The following MSRA variants were observed in gnomAD, a reference collection of about 807,000 sequenced individuals.
MSRA encodes the protein methionine sulfoxide reductase A.
A neutral mutation model predicts 31.3 loss-of-function variants in MSRA; 54 were observed. That is an observed-to-expected ratio of 1.73 (90% CI 1.39 to 2.17). The LOEUF is 2.17. Among genes scored for constraint, MSRA ranks in the 30% most tolerant of loss-of-function variants. MSRA has a pLI of 0.00. For synonymous variants in MSRA, 169 were observed against 116.5 expected (o/e 1.45, Z -2.90); for missense variants, 507 against 300.9 (o/e 1.69, Z -5.07).
chr8:10,168,160 T>G (rs1243009575), intron 1 of MSRA, among the ~76,000 whole-genome samples: 1 of 152,212 alleles, frequency 6.6e-6, no homozygotes, highest in Non-Finnish European at 1.5e-5. Flanking sequence ...GTGTCTACCT[T>G]GTAGGATAAT....
chr8:10,282,931 G>GA (rs930215200), intron 3 of MSRA, among the ~76,000 whole-genome samples: 1 of 151,966 alleles, frequency 6.6e-6, no homozygotes, highest in Admixed American at 6.6e-5. Flanking sequence ...CCTCCCTCCA[G>GA]AAAAACCCCC....
At chr8:10,086,060 T>G (rs1798544790) in intron 1 of MSRA, among the ~76,000 whole-genome samples, 1 of 152,224 alleles carries the variant, frequency 6.6e-6, no homozygotes, top group Admixed American at 6.5e-5. Flanking sequence ...TCATTTCTCA[T>G]GGATAGATTT....
Position 10,133,815 on chromosome 8 carries a change from T to G in MSRA, c.143-74018T>G, listed in dbSNP as rs969279078. ...CAGTTTAGCTCTTTGGATCCTATGG[T>G]TTTTTTTTGTTGTTGTTCTTTTGTT... On this transcript the variant is annotated intron_variant, in intron 1 of 5. Coordinates refer to ENST00000317173, the MANE Select transcript of MSRA (RefSeq NM_012331.5). Among the ~76,000 whole-genome samples the G allele has an allele frequency of 2.1e-4, 31 of 150,692 alleles. 1 individual carries two copies. Among genetic ancestry groups the G allele is most frequent in the Non-Finnish European group, 1.9e-4 (13 of 67,392 alleles).
At chr8:10,170,621 A>G (rs771863632) in intron 1 of MSRA, among the ~76,000 whole-genome samples, 8 of 152,238 alleles carry the variant, frequency 5.3e-5, no homozygotes, top group Non-Finnish European at 1.2e-4. Context: ...TTTACATTGT[A>G]TTAGGTATTG....
chr8:10,228,896 A>G (rs575459405), intron 2 of MSRA, among the ~76,000 whole-genome samples: 1 of 152,144 alleles, frequency 6.6e-6, no homozygotes, highest in Non-Finnish European at 1.5e-5. Flanking sequence ...CTTTTTCTTC[A>G]TACTGTTTCC....
At chr8:10,142,591 T>C (rs545050425) in intron 1 of MSRA, among the ~76,000 whole-genome samples, 1 of 152,172 alleles carries the variant, frequency 6.6e-6, no homozygotes, top group Admixed American at 6.5e-5. Flanking sequence ...ATATCTGCAG[T>C]GTCTGAATTT....
intron 5 of MSRA, among the ~76,000 whole-genome samples, chr8:10,369,274 A>C (rs1805344758): frequency 6.6e-6 from 1 of 152,096 alleles, no homozygotes; most frequent in Non-Finnish European, 1.5e-5. Flanking sequence ...ACGAAGAAGA[A>C]ATTATCTGTC....
intron 5 of MSRA, among the ~76,000 whole-genome samples, chr8:10,373,135 C>T (rs1230207547): frequency 6.6e-6 from 1 of 152,238 alleles, no homozygotes. Flanking sequence ...AGGTGATCTA[C>T]CCTCTTCGGC....
At chr8:10,094,020 A>G (rs985695274) in intron 1 of MSRA, among the ~76,000 whole-genome samples, 4 of 152,178 alleles carry the variant, frequency 2.6e-5, no homozygotes, top group Non-Finnish European at 5.9e-5. Flanking sequence ...TCGCTTCTCC[A>G]ATGCTGCTTT....
At chr8:10,206,415 T>C (rs1009420835) in intron 1 of MSRA, among the ~76,000 whole-genome samples, 1 of 152,118 alleles carries the variant, frequency 6.6e-6, no homozygotes, top group African/African-American at 2.4e-5. Context: ...GGCTTTTTGC[T>C]TGTAGGAATG....
chr8:10,205,457 GA>G (rs1385543734), intron 1 of MSRA, among the ~76,000 whole-genome samples: 1 of 152,174 alleles, frequency 6.6e-6, no homozygotes, highest in Non-Finnish European at 1.5e-5. Flanking sequence ...TGCTGGCACA[GA>G]AGCTGGTTTG....
chr8:10,334,355 G>A (rs1802893563), intron 5 of MSRA, among the ~76,000 whole-genome samples: 1 of 152,128 alleles, frequency 6.6e-6, no homozygotes, highest in Non-Finnish European at 1.5e-5. Flanking sequence ...TGTTGTTCTG[G>A]CAGGTAGATG....
At chr8:10,224,864 A>G (rs1260217197) in intron 2 of MSRA, among the ~76,000 whole-genome samples, 1 of 152,116 alleles carries the variant, frequency 6.6e-6, no homozygotes, top group East Asian at 1.9e-4. Flanking sequence ...GAACACTACT[A>G]CTAGGGCCGG....
intron 1 of MSRA, among the ~76,000 whole-genome samples, chr8:10,085,935 A>G (rs1798538172): frequency 6.6e-6 from 1 of 152,120 alleles, no homozygotes; most frequent in Non-Finnish European, 1.5e-5. Context: ...GTTTCATTTT[A>G]TTCCTTAGTG....
chr8:10,092,997 A>C (rs199657766), intron 1 of MSRA, among the ~76,000 whole-genome samples: 1 of 152,178 alleles, frequency 6.6e-6, no homozygotes, highest in Admixed American at 6.5e-5. Flanking sequence ...TAGTATAACC[A>C]TTCTAGCTCT....
At chr8:10,232,610 G>T (rs182586615) in intron 2 of MSRA, among the ~76,000 whole-genome samples, 1 of 152,142 alleles carries the variant, frequency 6.6e-6, no homozygotes, top group Non-Finnish European at 1.5e-5. Flanking sequence ...TTTGGAAAAG[G>T]GCTTTATGAA....
At chr8:10,155,706 G>T (rs58133870) in intron 1 of MSRA, among the ~76,000 whole-genome samples, 6,034 of 152,240 alleles carry the variant, frequency 0.04, 152 homozygotes, top group South Asian at 0.068. Flanking sequence ...ACTTGGGATG[G>T]TTGGAACATC....
chr8:10,343,620 T>C (rs1444980603), intron 5 of MSRA, among the ~76,000 whole-genome samples: 1 of 152,192 alleles, frequency 6.6e-6, no homozygotes, highest in Non-Finnish European at 1.5e-5. Context: ...AACCCAGTGC[T>C]CCTTATTCAA....
chr8:10,427,987 C>T (rs11250008), intron 5 of MSRA, among the ~76,000 whole-genome samples, 161 bp from the exon 6 acceptor site: 18,520 of 152,116 alleles, frequency 0.12, 2,183 homozygotes, highest in East Asian at 0.44. Flanking sequence ...CCCTGCCCAG[C>T]GTCACTCCAC....
Sources: gnomAD v4.1 joint callset for allele counts (sites outside exome capture counted in the v4.1 genomes callset) on GRCh38, gnomAD v4.1.1 for gene constraint, MANE v1.5 for transcripts, NCBI Gene and HGNC (gene_info 2026-07-23, HGNC 2026-07-21) for gene names.